POLA1: variants seen among roughly 807,000 people sequenced by gnomAD.
The protein encoded by POLA1 is DNA polymerase alpha 1, catalytic subunit.
A neutral mutation model predicts 124.0 loss-of-function variants in POLA1; 15 were observed. The observed-to-expected ratio is 0.12, with a 90% CI of 0.08 to 0.19. The LOEUF (loss-of-function observed/expected upper bound fraction) is 0.19. Among genes scored for constraint, POLA1 ranks in the 10% least tolerant of loss-of-function variants. POLA1 has a pLI of 1.00. For missense variants in POLA1, 886 were observed against 1,103.4 expected (o/e 0.80, Z 2.79); for synonymous variants, 408 against 389.4 (o/e 1.05, Z -0.56).
intron 34 of POLA1, among the ~76,000 whole-genome samples, chrX:24,864,044 C>T (rs994670818): frequency 3.6e-5 from 4 of 109,825 alleles, no homozygotes; most frequent in Non-Finnish European, 7.6e-5. Flanking sequence ...TGAAGTGGCA[C>T]AATCTCGGCT....
At chrX:24,853,738 C>T (rs1279304678) in intron 34 of POLA1, among the ~76,000 whole-genome samples, 1 of 111,109 alleles carries the variant, frequency 9.0e-6, no homozygotes, top group Non-Finnish European at 1.9e-5. Flanking sequence ...AGATGTCTGC[C>T]AGATACCCAG....
chrX:24,885,566 G>T (rs868481712), intron 34 of POLA1, among the ~76,000 whole-genome samples: 1 of 109,793 alleles, frequency 9.1e-6, no homozygotes, highest in Non-Finnish European at 1.9e-5. Flanking sequence ...ATGGAGTCTT[G>T]TTGTGTCACC....
chrX:24,828,029 G>A (rs2046201888), intron 32 of POLA1, among the ~76,000 whole-genome samples: 1 of 112,030 alleles, frequency 8.9e-6, no homozygotes, highest in African/African-American at 3.2e-5. Context: ...TGTTTACTCT[G>A]GAAGTGGAAG....
intron 35 of POLA1, among the ~76,000 whole-genome samples, chrX:24,902,892 A>G (rs2047302230): frequency 8.9e-6 from 1 of 112,460 alleles, no homozygotes; most frequent in Admixed American, 9.4e-5. Context: ...TATAAATATT[A>G]CAATAAATAT....
chrX:24,893,078 G>T (rs1005500543), intron 35 of POLA1, among the ~76,000 whole-genome samples: 1 of 112,158 alleles, frequency 8.9e-6, no homozygotes, highest in Non-Finnish European at 1.9e-5. Context: ...TTGATTTGAT[G>T]AGTAGGTTAG....
At chrX:24,951,275 G>A (rs1375419386) in intron 36 of POLA1, among the ~76,000 whole-genome samples, 1 of 93,568 alleles carries the variant, frequency 1.1e-5, no homozygotes, top group African/African-American at 3.9e-5. Flanking sequence ...ATTAGGAGTA[G>A]GCTTAAGCTC....
rs11573497 is a variant in POLA1, at chrX:24,953,757, T to C, written c.4261+23208T>C. On this transcript the variant is annotated intron_variant, in intron 36 of 36. Coordinates refer to ENST00000379068, the MANE Select transcript of POLA1 (RefSeq NM_001330360.2). The stretch of plus-strand genomic sequence containing the variant: ...GGTCCCCCTCCACCAAATGTGCACC[T>C]GCTGGAAGCACTCTGTGTATTTTCT... Among the ~76,000 whole-genome samples the C allele has an allele frequency of 7.0e-3, 792 of 112,377 alleles. 2 individuals carry two copies. Among genetic ancestry groups the C allele is most frequent in the African/African-American group, 0.023 (726 of 30,969 alleles).
Position 24,812,789 on chromosome X carries a change from T to C in POLA1, c.3222T>C (p.Tyr1074=). The C allele has an allele frequency of 8.3e-7, 1 of 1,206,776 alleles. No individual in the cohort carries two copies. The highest frequency in any genetic ancestry group is 1.8e-5 in the South Asian group (1 of 56,859). ...LVVEPTSDGN[Y]VTKQELKGLD... is the part of the protein sequence containing the mutation. Reference sequence around the variant, plus strand: ...TTGAGCCAACGTCGGATGGGAATTATGTCACCAAACAGGAGCTCAAAGGAT... The same window carrying C: ...TTGAGCCAACGTCGGATGGGAATTACGTCACCAAACAGGAGCTCAAAGGAT... Residue 1074 remains tyrosine, a synonymous_variant, in exon 29 of 37, where the codon TAT becomes TAC. Coordinates refer to ENST00000379068, the MANE Select transcript of POLA1 (RefSeq NM_001330360.2).
intron 34 of POLA1, among the ~76,000 whole-genome samples, chrX:24,867,060 A>G (rs1239218990): frequency 9.5e-6 from 1 of 105,563 alleles, no homozygotes; most frequent in African/African-American, 3.4e-5. Flanking sequence ...TTTGTTTTAT[A>G]TAGTATCAAT....
At chrX:24,697,705 A>T (rs1314928669) in intron 1 of POLA1, among the ~76,000 whole-genome samples, 1 of 111,569 alleles carries the variant, frequency 9.0e-6, no homozygotes, top group Admixed American at 9.6e-5. Flanking sequence ...AAGCAGCTTA[A>T]TGTTGTTATG....
At chrX:24,747,196 G>A (rs1405704575) in intron 24 of POLA1, among the ~76,000 whole-genome samples, 14 of 101,164 alleles carry the variant, frequency 1.4e-4, no homozygotes, top group Admixed American at 1.2e-3. Context: ...ATGGAATTTC[G>A]CTCTTTTTGC....
intron 35 of POLA1, among the ~76,000 whole-genome samples, chrX:24,904,193 A>G (rs1382440634): frequency 9.1e-6 from 1 of 110,114 alleles, no homozygotes; most frequent in Non-Finnish European, 1.9e-5. Context: ...CCGACCTCCC[A>G]AAGTGCTAGG....
chrX:24,828,118 A>G (rs1367905347), intron 32 of POLA1, among the ~76,000 whole-genome samples: 1 of 112,800 alleles, frequency 8.9e-6, no homozygotes, highest in African/African-American at 3.2e-5. Flanking sequence ...ATTCTCCAAG[A>G]TGAGTTGTAT....
At chrX:24,893,586 C>T (rs2047169323) in intron 35 of POLA1, among the ~76,000 whole-genome samples, 1 of 111,315 alleles carries the variant, frequency 9.0e-6, no homozygotes, top group African/African-American at 3.3e-5. Context: ...TCCTTCTAGC[C>T]CCTGTTGTCA....
At chrX:24,711,372 A>G (rs764437713) in intron 4 of POLA1, among the ~76,000 whole-genome samples, 1 of 112,531 alleles carries the variant, frequency 8.9e-6, no homozygotes, top group East Asian at 2.8e-4. Context: ...ATTACCCCAT[A>G]TTAGAACATA....
chrX:24,975,979 C>T (rs1467005716), intron 36 of POLA1, among the ~76,000 whole-genome samples: 3 of 112,399 alleles, frequency 2.7e-5, no homozygotes, highest in Non-Finnish European at 5.6e-5. Flanking sequence ...AAATTTTACT[C>T]ACCACAGTGC....
intron 26 of POLA1, among the ~76,000 whole-genome samples, chrX:24,773,017 G>C (rs1203872814): frequency 1.8e-5 from 2 of 111,958 alleles, no homozygotes; most frequent in Non-Finnish European, 3.8e-5. Flanking sequence ...AGCAATGTGT[G>C]AAAGAACCTC....
At chrX:24,814,530 G>A (rs868614345) in intron 29 of POLA1, among the ~76,000 whole-genome samples, 3 of 111,688 alleles carry the variant, frequency 2.7e-5, no homozygotes, top group Admixed American at 9.5e-5. Flanking sequence ...CTCATCTAGC[G>A]CATGGTTGTT....
At chrX:24,988,792 C>A (rs1050230165) in intron 36 of POLA1, among the ~76,000 whole-genome samples, 1 of 111,216 alleles carries the variant, frequency 9.0e-6, no homozygotes, top group East Asian at 2.8e-4. Context: ...ATGGCAAGAC[C>A]CTGTCTCTAC....
Sources: gnomAD v4.1 joint callset for allele counts (sites outside exome capture counted in the v4.1 genomes callset) on GRCh38, gnomAD v4.1.1 for gene constraint, MANE v1.5 for transcripts, NCBI Gene and HGNC (gene_info 2026-07-23, HGNC 2026-07-21) for gene names.